The following GRID2 variants were observed in gnomAD, a reference collection of about 807,000 sequenced individuals.
GRID2 encodes the protein glutamate ionotropic receptor delta type subunit 2, also known as glutamate receptor ionotropic, delta-2.
GRID2 carries 33 observed loss-of-function variants against 114.8 expected under a neutral mutation model. The ratio of observed to expected loss-of-function variants is 0.29; its 90% CI spans 0.22 to 0.38. GRID2 has a LOEUF of 0.38. Ranked by LOEUF, GRID2 falls within the 10% of genes least tolerant of loss-of-function variation. The probability of loss-of-function intolerance (pLI) is 1.00; values close to 1 mark genes in which losing one functional copy is unlikely to be tolerated. For synonymous variants in GRID2, 505 were observed against 449.9 expected (o/e 1.12, Z -1.55); for missense variants, 1,184 against 1,257.7 (o/e 0.94, Z 0.89).
intron 2 of GRID2, among the ~76,000 whole-genome samples, chr4:92,658,210 G>T (rs1732342080): frequency 1.3e-5 from 2 of 151,730 alleles, no homozygotes; most frequent in South Asian, 4.1e-4. Context: ...ATTCAAAGTA[G>T]ATTTACTCAT....
chr4:93,101,857 T>C (rs1471796813), intron 3 of GRID2, among the ~76,000 whole-genome samples: 1 of 152,106 alleles, frequency 6.6e-6, no homozygotes, highest in Non-Finnish European at 1.5e-5. Flanking sequence ...AACTTTTAGT[T>C]CCTATCAATA....
intron 2 of GRID2, among the ~76,000 whole-genome samples, chr4:93,054,380 C>T (rs1439758094): frequency 2.6e-5 from 4 of 151,410 alleles, no homozygotes; most frequent in Non-Finnish European, 4.4e-5. Flanking sequence ...AAAACTAGCA[C>T]AGTAGGAAAT....
chr4:92,583,266 G>A (rs148219243), intron 1 of GRID2, among the ~76,000 whole-genome samples: 8 of 152,010 alleles, frequency 5.3e-5, no homozygotes, highest in Middle Eastern at 3.4e-3. Flanking sequence ...AATATTAACT[G>A]CCAGTGTTTC....
At chr4:92,751,993 G>A (rs191757882) in intron 2 of GRID2, among the ~76,000 whole-genome samples, 154 of 152,266 alleles carry the variant, frequency 1.0e-3, no homozygotes, top group African/African-American at 3.6e-3. Context: ...AGTGAATTTT[G>A]CAAAAGTGCG....
intron 2 of GRID2, chr4:92,833,743 T>C (rs1742273039): frequency 6.6e-6 from 1 of 152,350 alleles, no homozygotes; most frequent in South Asian, 2.1e-4. Flanking sequence ...ATTTTCAAAA[T>C]CTTGGATGTT....
chr4:93,199,527 G>A (rs560403382), intron 4 of GRID2, among the ~76,000 whole-genome samples: 15 of 152,154 alleles, frequency 9.9e-5, no homozygotes, highest in East Asian at 1.9e-4. Flanking sequence ...TAGCATATCC[G>A]TTTATGAAAT....
chr4:93,346,679 T>C (rs1239097215), intron 8 of GRID2, among the ~76,000 whole-genome samples: 4 of 152,172 alleles, frequency 2.6e-5, no homozygotes. Context: ...TCCTGGCTCA[T>C]TTGAAAGTTG....
At chr4:92,946,560 C>T (rs1016764188) in intron 2 of GRID2, among the ~76,000 whole-genome samples, 1 of 151,836 alleles carries the variant, frequency 6.6e-6, no homozygotes, top group Non-Finnish European at 1.5e-5. Context: ...TTAAAAATTC[C>T]AAGGCTTTGT....
chr4:92,674,908 C>T (rs2149279035), intron 2 of GRID2, among the ~76,000 whole-genome samples: 1 of 152,256 alleles, frequency 6.6e-6, no homozygotes, highest in South Asian at 2.1e-4. Context: ...ACTTTCAAAA[C>T]CTCTGGTCCC....
rs111265472 is a variant in GRID2 at position 93,552,384 on chromosome 4, G to C, written c.2193+36973G>C. 6.6e-4 allele frequency among the ~76,000 whole-genome samples: 100 copies of C among 152,086 alleles called. 1 individual carries two copies. The Middle Eastern group carries it at 0.01, about 16-fold the overall frequency. On this transcript the variant is annotated intron_variant, in intron 13 of 15. Coordinates refer to ENST00000282020, the MANE Select transcript of GRID2 (RefSeq NM_001510.4). Reference sequence around the variant, plus strand: ...TAGCAGCATGTTTTATAATCCTTTGGGTATATACCCAGTAATGGGATGGCT... The same window carrying C: ...TAGCAGCATGTTTTATAATCCTTTGCGTATATACCCAGTAATGGGATGGCT...
At chr4:93,027,069 TCAA>T (rs1345730268) in intron 2 of GRID2, among the ~76,000 whole-genome samples, 1 of 152,080 alleles carries the variant, frequency 6.6e-6, no homozygotes, top group Non-Finnish European at 1.5e-5. Context: ...TGGAATGCGA[TCAA>T]CACCATTTTT....
chr4:93,462,219 A>G (rs1188087227), intron 11 of GRID2, among the ~76,000 whole-genome samples: 3 of 152,170 alleles, frequency 2.0e-5, no homozygotes, highest in Admixed American at 2.0e-4. Context: ...TGCCTGGCCT[A>G]TGTGCTTTGA....
intron 4 of GRID2, among the ~76,000 whole-genome samples, chr4:93,141,843 T>C (rs35864022): frequency 0.043 from 6,602 of 152,316 alleles, 223 homozygotes; most frequent in Non-Finnish European, 0.067. Flanking sequence ...ATATTGTTTG[T>C]GCTTATTACA....
chr4:93,745,836 G>A (rs1379778457), intron 14 of GRID2, among the ~76,000 whole-genome samples: 1 of 151,966 alleles, frequency 6.6e-6, no homozygotes, highest in Non-Finnish European at 1.5e-5. Flanking sequence ...TTGTTTGTTT[G>A]TTTGTTTTAT....
rs765329104 is a variant in GRID2, at chr4:92,714,193, C to T, written c.244+123907C>T. On this transcript the variant is annotated intron_variant, in intron 2 of 15. Transcript: ENST00000282020. The stretch of plus-strand genomic sequence containing the variant: ...ACAAAGGGGCTAGAGGCCCCATGTA[C>T]GTCCAAAATCCAGTGAGGCAGTCAA... Among the ~76,000 whole-genome samples, 9 of 152,154 alleles carry T rather than the reference C, an allele frequency of 5.9e-5. No homozygotes were observed. In the South Asian group the frequency reaches 6.2e-4, roughly 10 times the overall value.
intron 11 of GRID2, among the ~76,000 whole-genome samples, chr4:93,456,410 T>C (rs554090422): frequency 6.6e-6 from 1 of 152,344 alleles, no homozygotes; most frequent in African/African-American, 2.4e-5. Flanking sequence ...ATTAAAAATA[T>C]TGTCATTGAA....
rs1726119695 is a variant in GRID2 at position 92,318,353 on chromosome 4, T to A, written c.88+13609T>A. Among the ~76,000 whole-genome samples the A allele has an allele frequency of 2.1e-5, 3 of 145,900 alleles. No individual in the cohort carries two copies. In the South Asian group the frequency reaches 6.6e-4, roughly 32 times the overall value. Reference sequence around the variant, plus strand: ...TAAGCAATATTATATCTGTTGTTACTCTGCTCACAGAGAAATCGACTGGTT... The same window carrying A: ...TAAGCAATATTATATCTGTTGTTACACTGCTCACAGAGAAATCGACTGGTT... On this transcript the variant is annotated intron_variant, in intron 1 of 15. Coordinates refer to ENST00000282020, the MANE Select transcript of GRID2 (RefSeq NM_001510.4).
chr4:93,559,789 T>C (rs1008523216), intron 13 of GRID2, among the ~76,000 whole-genome samples: 1 of 152,172 alleles, frequency 6.6e-6, no homozygotes, highest in Admixed American at 6.6e-5. Flanking sequence ...AGTATGTTTA[T>C]TGCAGCACTA....
At chr4:92,441,962 G>GA (rs1433509627) in intron 1 of GRID2, among the ~76,000 whole-genome samples, 9 of 151,692 alleles carry the variant, frequency 5.9e-5, no homozygotes, top group African/African-American at 2.2e-4. Flanking sequence ...GGCAGGTGGG[G>GA]ATAACTAAAA....
Sources: allele counts gnomAD v4.1 joint callset (sites outside exome capture counted in the v4.1 genomes callset), GRCh38; gene constraint gnomAD v4.1.1; transcripts MANE v1.5; gene names NCBI Gene and HGNC (gene_info 2026-07-23, HGNC 2026-07-21).